Variants in EFCAB6 observed in about 807,000 individuals in gnomAD.
EFCAB6 encodes the protein EF-hand calcium binding domain 6.
In EFCAB6, 156 loss-of-function variants were observed where a neutral mutation model predicts 169.8. That is an observed-to-expected ratio of 0.92 (90% CI 0.81 to 1.05). The LOEUF (loss-of-function observed/expected upper bound fraction) is 1.05. Ranked by LOEUF, EFCAB6 falls within the 50% of genes least tolerant of loss-of-function variation. The pLI is 0.00. For missense variants in EFCAB6, 1,800 were observed against 1,829.1 expected, an observed-to-expected ratio of 0.98 and a Z score of 0.29; for synonymous variants, 698 against 676.4, an observed-to-expected ratio of 1.03 and a Z score of -0.50.
chr22:43,794,873 A>C (rs1014982729), intron 2 of EFCAB6, among the ~76,000 whole-genome samples: 4 of 152,244 alleles, frequency 2.6e-5, no homozygotes, highest in African/African-American at 9.6e-5. Flanking sequence ...TTACAAATAT[A>C]TTCCAAATGA....
chr22:43,724,023 A>T (rs961105242), intron 8 of EFCAB6, among the ~76,000 whole-genome samples: 4 of 152,220 alleles, frequency 2.6e-5, no homozygotes, highest in Non-Finnish European at 5.9e-5. Context: ...GTTCTCATGA[A>T]CATGCTTTTT....
chr22:43,684,087 C>T (rs533816949), intron 11 of EFCAB6, among the ~76,000 whole-genome samples: 2 of 152,114 alleles, frequency 1.3e-5, no homozygotes, highest in East Asian at 1.9e-4. Context: ...CCTCTCCCCA[C>T]GAGACCAACT....
chr22:43,782,475 T>C, intron 2 of EFCAB6, 150 bp from the exon 3 acceptor site: 1 of 660,598 alleles, frequency 1.5e-6, no homozygotes, highest in South Asian at 2.5e-5. Context: ...TTTCAGACTA[T>C]TCTTAAAGTG....
At chr22:43,790,701 C>T (rs1329698046) in intron 2 of EFCAB6, among the ~76,000 whole-genome samples, 2 of 152,138 alleles carry the variant, frequency 1.3e-5, no homozygotes, top group East Asian at 3.9e-4. Context: ...ATGATCTGGC[C>T]TCTGGGTTAA....
intron 3 of EFCAB6, among the ~76,000 whole-genome samples, chr22:43,779,405 G>A (rs935150270): frequency 2.0e-5 from 3 of 152,216 alleles, no homozygotes; most frequent in Non-Finnish European, 4.4e-5. Context: ...CCCTCTTGTA[G>A]AGGAAAGTGG....
chr22:43,725,134 CTTTTTTTTTTTTTT>C (rs33983375), intron 8 of EFCAB6, among the ~76,000 whole-genome samples: 3 of 94,686 alleles, frequency 3.2e-5, no homozygotes, highest in South Asian at 8.7e-4. Flanking sequence ...GCCAAACTGG[CTTTTTTTTTTTTTT>C]TTTTTTTTTT....
chr22:43,760,618 G>GC (rs1319390455), intron 5 of EFCAB6, among the ~76,000 whole-genome samples: 6 of 151,584 alleles, frequency 4.0e-5, no homozygotes, highest in Non-Finnish European at 5.9e-5. Flanking sequence ...AGGTGGTTAG[G>GC]CCTGAAGGTT....
chr22:43,777,593 C>T (rs2061680492), intron 3 of EFCAB6, among the ~76,000 whole-genome samples: 1 of 152,214 alleles, frequency 6.6e-6, no homozygotes, highest in Non-Finnish European at 1.5e-5. Flanking sequence ...AGTGAGCACT[C>T]TTTCTCCCTC....
At chr22:43,609,883 G>T (rs1258994531) in intron 21 of EFCAB6, among the ~76,000 whole-genome samples, 1 of 152,184 alleles carries the variant, frequency 6.6e-6, no homozygotes, top group Admixed American at 6.5e-5. Flanking sequence ...GAATGAGGAG[G>T]TCAGTAATAC....
At chr22:43,630,889 G>A (rs1404398335) in intron 19 of EFCAB6, among the ~76,000 whole-genome samples, 2 of 150,772 alleles carry the variant, frequency 1.3e-5, no homozygotes, top group African/African-American at 5.0e-5. Context: ...TGCATATGGC[G>A]ATCATATTTT....
chr22:43,539,546 A>G (rs990910414), intron 28 of EFCAB6, among the ~76,000 whole-genome samples: 1 of 152,154 alleles, frequency 6.6e-6, no homozygotes, highest in African/African-American at 2.4e-5. Context: ...TCCTGATGAC[A>G]TTGCCATCCC....
At chr22:43,561,686 C>T (rs929018259) in intron 26 of EFCAB6, among the ~76,000 whole-genome samples, 3 of 152,178 alleles carry the variant, frequency 2.0e-5, no homozygotes, top group East Asian at 3.9e-4. Context: ...CAGCCTCGCT[C>T]GAGTGACTGG....
intron 3 of EFCAB6, among the ~76,000 whole-genome samples, chr22:43,775,558 T>G (rs1054923533): frequency 6.6e-6 from 1 of 152,200 alleles, no homozygotes; most frequent in African/African-American, 2.4e-5. Context: ...TTCTCCTGCC[T>G]CAGCCTCCCG....
At chr22:43,622,672 A>C (rs1473079104) in intron 20 of EFCAB6, among the ~76,000 whole-genome samples, 1 of 152,216 alleles carries the variant, frequency 6.6e-6, no homozygotes, top group East Asian at 1.9e-4. Flanking sequence ...ATCTTACTAT[A>C]TCTAACCTAA....
At chr22:43,802,210 G>A (rs1329273834) in intron 2 of EFCAB6, among the ~76,000 whole-genome samples, 1 of 152,120 alleles carries the variant, frequency 6.6e-6, no homozygotes, top group East Asian at 1.9e-4. Context: ...TCATCACCAT[G>A]CCCAAGAGAA....
chr22:43,614,848 CACAG>C (rs2053587217), intron 21 of EFCAB6, among the ~76,000 whole-genome samples: 1 of 152,076 alleles, frequency 6.6e-6, no homozygotes, highest in Non-Finnish European at 1.5e-5. Context: ...GAGTCCACAG[CACAG>C]ACAGTCTGCT....
Position 43,687,533 on chromosome 22 carries a change from T to A in EFCAB6, c.1080A>T (p.Thr360=). The change falls in exon 11 of 32, where the codon ACA becomes ACT. Residue 360 remains threonine (T), a synonymous_variant. Transcript: ENST00000262726. ...TTKINWKQFL[T]SFHEPQGLQV... is the part of the protein sequence containing the mutation. ...GCAACCCCTGAGGCTCATGAAATGA[T>A]GTTAGAAATTGCTTCCAATTGATTT... 1 of 1,606,944 alleles carries A rather than the reference T, an allele frequency of 6.2e-7. No individual in the cohort carries two copies. Among genetic ancestry groups the A allele is most frequent in the Non-Finnish European group, 8.5e-7 (1 of 1,177,676 alleles).
intron 3 of EFCAB6, among the ~76,000 whole-genome samples, chr22:43,774,584 G>A (rs780274617): frequency 2.6e-5 from 4 of 151,688 alleles, no homozygotes; most frequent in East Asian, 2.0e-4. Context: ...GAGGTGATTC[G>A]GTAACTGGGA....
chr22:43,743,096 A>G (rs1222910921), intron 6 of EFCAB6, among the ~76,000 whole-genome samples: 1 of 152,260 alleles, frequency 6.6e-6, no homozygotes, highest in African/African-American at 2.4e-5. Context: ...TGATCACTAA[A>G]AATAAAAATA....
Sources: allele counts gnomAD v4.1 joint callset (sites outside exome capture counted in the v4.1 genomes callset), GRCh38; gene constraint gnomAD v4.1.1; transcripts MANE v1.5; gene names NCBI Gene and HGNC (gene_info 2026-07-23, HGNC 2026-07-21).